The following COL12A1 variants were observed in gnomAD, a reference collection of about 807,000 sequenced individuals.
COL12A1 encodes the protein collagen type XII alpha 1 chain.
Under a neutral mutation model 349.7 loss-of-function variants are expected in COL12A1, and 114 were observed. The observed-to-expected ratio is 0.33, with a 90% CI of 0.28 to 0.38. The LOEUF (loss-of-function observed/expected upper bound fraction) is 0.38, where lower values mean the gene tolerates loss of function less well. COL12A1 is among the 10% of genes least tolerant of loss of function. The pLI is 1.00. For missense variants in COL12A1, 3,284 were observed against 3,756.9 expected (o/e 0.87, Z 3.29); for synonymous variants, 1,369 against 1,329.0 (o/e 1.03, Z -0.66).
chr6:75,152,450 T>A lies in COL12A1; in HGVS notation c.3598A>T (p.Ile1200Phe). ...CATGATCCATCCACCAGCAACACAATGTCTGCCTCAGCTCTGGTGAGACAC... is the reference window on the plus strand; with the variant it reads ...CATGATCCATCCACCAGCAACACAAAGTCTGCCTCAGCTCTGGTGAGACAC... ...MECLTRAEAD[I>F]VLLVDGSWSI... Residue 1200 changes from isoleucine (I) to phenylalanine (F), a missense_variant, in exon 18 of 66, where the codon ATT becomes TTT. Around this residue, in one of 2 missense-constraint regions of COL12A1, gnomAD observed 2,601 missense variants for 2,824.8 expected, o/e 0.92. Coordinates refer to ENST00000322507, the MANE Select transcript of COL12A1 (RefSeq NM_004370.6). 6.2e-7 allele frequency: 1 copy of A among 1,613,536 alleles called. No homozygotes were observed. Among genetic ancestry groups the A allele is most frequent in the East Asian group, 2.2e-5 (1 of 44,864 alleles).
In COL12A1 at chr6:75,085,764, T is replaced by G. The variant is rs1767458364; in HGVS notation, c.*783A>C. On this transcript the variant is annotated 3_prime_UTR_variant, in exon 66 of 66. Transcript: ENST00000322507. ...GGTGAGGGGAAGTTTCATTGGCTCC[T>G]AGAAACTGAACTCGGGGGGTGAAAA... The G allele has an allele frequency of 4.8e-6, 1 of 206,772 alleles. No homozygotes were observed. The highest frequency in any genetic ancestry group is 5.2e-5 in the Admixed American group (1 of 19,234). The allele number at this position is 206,772 out of a possible 1,614,324, so 12.8% of individuals were successfully genotyped here.
In COL12A1 at chr6:75,183,741, TA is replaced by T. The variant is rs36085827; in HGVS notation, c.1289-90del. ...AGCTTTCTTAGTAAGCGTGCTTCTT[TA>T]AAAAAAAAACTATTGCAAATATTTC... is the stretch of plus-strand genomic sequence containing the variant. On this transcript the variant is annotated intron_variant, in intron 9 of 65. Transcript: ENST00000322507. 0.91 allele frequency: 1,329,579 copies of T among 1,456,352 alleles called. 607,327 individuals are homozygous for T. The highest frequency in any genetic ancestry group is 0.93 in the Non-Finnish European group (1,000,112 of 1,077,682). The allele number at this position is 1,456,352 out of a possible 1,614,324, so 90.2% of individuals were successfully genotyped here. A position where few individuals can be genotyped will look rare whatever the true frequency, so the allele number is the denominator to read the frequency against.
At chr6:75,102,080 T>C in intron 56 of COL12A1, 28 bp from the exon 57 acceptor site, 1 of 1,609,274 alleles carries the variant, frequency 6.2e-7, no homozygotes, top group Non-Finnish European at 8.5e-7. Context: ...AAAACAGTTC[T>C]CAGGCGTTTC....
chr6:75,124,488 T>C (rs1280149346), intron 40 of COL12A1, 117 bp from the exon 41 acceptor site: 14 of 664,270 alleles, frequency 2.1e-5, no homozygotes, highest in Admixed American at 3.3e-5. Context: ...AAAATTGTAT[T>C]ATGTTTCCTT....
intron 44 of COL12A1, among the ~76,000 whole-genome samples, chr6:75,120,222 A>C (rs1336213542): frequency 1.3e-5 from 2 of 152,188 alleles, no homozygotes; most frequent in African/African-American, 4.8e-5. Flanking sequence ...TAAATTAAGA[A>C]TATAACCACA....
chr6:75,108,892 A>G, intron 52 of COL12A1, 126 bp downstream of exon 52: 1 of 1,012,442 alleles, frequency 9.9e-7, no homozygotes, highest in Non-Finnish European at 1.5e-6. Context: ...TGATCTGACC[A>G]AGAAATTTGA....
At chr6:75,115,259 A>G (rs945778967) in intron 49 of COL12A1, among the ~76,000 whole-genome samples, 1 of 152,206 alleles carries the variant, frequency 6.6e-6, no homozygotes, top group Non-Finnish European at 1.5e-5. Flanking sequence ...TACAGAGTTC[A>G]GTTATCATAC....
In COL12A1 at chr6:75,151,220, G is replaced by A. The variant is rs1440372716; in HGVS notation, c.4068C>T (p.Tyr1356=). 3 of 1,613,344 alleles carry A rather than the reference G, an allele frequency of 1.9e-6. No individual in the cohort carries two copies. The highest frequency in any genetic ancestry group is 2.5e-6 in the Non-Finnish European group (3 of 1,179,444). Residue 1356 remains tyrosine (Y), a synonymous_variant, in exon 21 of 66, where the codon TAC becomes TAT. Coordinates refer to ENST00000322507, the MANE Select transcript of COL12A1 (RefSeq NM_004370.6). ...IATDPDDTHA[Y]NVADFESLSR... is the part of the protein sequence containing the mutation. ...AGAGTGACTCAAAATCTGCCACATTGTATGCATGGGTATCATCAGGATCAG... is the reference window on the plus strand; with the variant it reads ...AGAGTGACTCAAAATCTGCCACATTATATGCATGGGTATCATCAGGATCAG...
rs1767711088 is a variant in COL12A1 at position 75,155,577 on chromosome 6, T to G, written c.3443+85A>C. 6.8e-6 allele frequency: 9 copies of G among 1,323,146 alleles called. No individual in the cohort carries two copies. In the East Asian group the frequency reaches 2.2e-4, roughly 33 times the overall value. 82.0% of individuals were successfully genotyped at this position (1,323,146 alleles called of 1,614,324 possible). ...CAAACAGACATATAAGTGATATTTG[T>G]GTAAAGCCTACTAATTTACAAAAGC... is the stretch of plus-strand genomic sequence containing the variant. On this transcript the variant is annotated intron_variant, in intron 16 of 65. Transcript: ENST00000322507.
At chr6:75,203,923 A>T (rs961166184) in intron 1 of COL12A1, among the ~76,000 whole-genome samples, 1 of 152,250 alleles carries the variant, frequency 6.6e-6, no homozygotes, top group African/African-American at 2.4e-5. Flanking sequence ...CTGCGTCGGA[A>T]TGCAAAAATG....
chr6:75,096,812 C>A (rs925389570), intron 59 of COL12A1, among the ~76,000 whole-genome samples: 6 of 142,214 alleles, frequency 4.2e-5, no homozygotes, highest in African/African-American at 1.6e-4. Context: ...AGGAGAATGG[C>A]GTGAACCCGG....
chr6:75,161,060 C>G (rs1283818078), intron 14 of COL12A1, among the ~76,000 whole-genome samples: 1 of 152,072 alleles, frequency 6.6e-6, no homozygotes, highest in East Asian at 1.9e-4. Flanking sequence ...AAAGGGAGAA[C>G]CCCATCCTAG....
chr6:75,178,878 A>T (rs1166326747), intron 11 of COL12A1, among the ~76,000 whole-genome samples: 2 of 152,240 alleles, frequency 1.3e-5, no homozygotes, highest in Non-Finnish European at 2.9e-5. Flanking sequence ...CAGGAAAGAA[A>T]GAAATGGTAG....
At chr6:75,098,979 G>A (rs904766698) in intron 58 of COL12A1, among the ~76,000 whole-genome samples, 5 of 152,138 alleles carry the variant, frequency 3.3e-5, no homozygotes, top group African/African-American at 2.4e-5. Context: ...AAATCCAGCC[G>A]AGGATTTCTG....
chr6:75,187,348 C>T (rs1390800696), intron 8 of COL12A1, among the ~76,000 whole-genome samples: 1 of 151,606 alleles, frequency 6.6e-6, no homozygotes, highest in Non-Finnish European at 1.5e-5. Flanking sequence ...ATGTGAACAC[C>T]TGTGATGTAG....
chr6:75,116,004 A>G lies in COL12A1; in HGVS notation c.7558+15T>C. 6.2e-7 allele frequency: 1 copy of G among 1,613,392 alleles called. No individual in the cohort carries two copies. Among genetic ancestry groups the G allele is most frequent in the Non-Finnish European group, 8.5e-7 (1 of 1,179,580 alleles). On this transcript the variant is annotated intron_variant, in intron 48 of 65. Transcript: ENST00000322507. ...AAATCTGGAAATTAATTTGCCCCAA[A>G]GTATAAATGCTTACCTGGTGAGGTG...
At chr6:75,114,455 G>T (rs1252908493) in intron 49 of COL12A1, among the ~76,000 whole-genome samples, 3 of 152,158 alleles carry the variant, frequency 2.0e-5, no homozygotes, top group East Asian at 1.9e-4. Flanking sequence ...TTGGTCCCAT[G>T]TGTCCCTCCA....
intron 49 of COL12A1, among the ~76,000 whole-genome samples, chr6:75,114,443 A>C (rs1768980379): frequency 6.6e-6 from 1 of 152,068 alleles, no homozygotes; most frequent in Admixed American, 6.6e-5. Flanking sequence ...AAAAACAAAA[A>C]ATTGGTCCCA....
rs752102586 is a variant in COL12A1 at position 75,181,427 on chromosome 6, A to G, written c.1892-216T>C. 4.5e-4 allele frequency among the ~76,000 whole-genome samples: 69 copies of G among 152,196 alleles called. 2 individuals are homozygous for G. Among genetic ancestry groups the G allele is most frequent in the Non-Finnish European group, 2.1e-4 (14 of 68,028 alleles). ...GAGATCTTGATTATTCACCTTGACT[A>G]TCTATAATACTAACTTCTATTATTT... is the stretch of plus-strand genomic sequence containing the variant. On this transcript the variant is annotated intron_variant, in intron 10 of 65. Transcript: ENST00000322507.
Sources: allele counts gnomAD v4.1 joint callset (sites outside exome capture counted in the v4.1 genomes callset), GRCh38; gene constraint gnomAD v4.1.1; regional missense constraint gnomAD v4.1.1; transcripts MANE v1.5; gene names NCBI Gene and HGNC (gene_info 2026-07-23, HGNC 2026-07-21).